Variants in POLA1 observed in about 807,000 individuals in gnomAD.
POLA1 encodes the protein DNA polymerase alpha 1, catalytic subunit.
In POLA1, 15 loss-of-function variants were observed where a neutral mutation model predicts 124.0. That is an observed-to-expected ratio of 0.12 (90% confidence interval 0.08 to 0.19). The LOEUF (loss-of-function observed/expected upper bound fraction) is 0.19. Ranked by LOEUF, POLA1 falls within the 10% of genes least tolerant of loss-of-function variation. The pLI is 1.00. For missense variants in POLA1, 886 were observed against 1,103.4 expected (o/e 0.80, Z 2.79); for synonymous variants, 408 against 389.4 (o/e 1.05, Z -0.56).
chrX:24,807,297 C>T (rs911596660), intron 26 of POLA1, among the ~76,000 whole-genome samples: 2 of 112,117 alleles, frequency 1.8e-5, no homozygotes, highest in South Asian at 3.7e-4. Context: ...GTAACAGTTA[C>T]GTTATGGTGT....
intron 24 of POLA1, among the ~76,000 whole-genome samples, chrX:24,747,938 G>A (rs899418350): frequency 9.0e-6 from 1 of 111,339 alleles, no homozygotes; most frequent in Non-Finnish European, 1.9e-5. Flanking sequence ...GTTTCACCAT[G>A]TTAGCCAGGA....
intron 32 of POLA1, among the ~76,000 whole-genome samples, chrX:24,835,123 C>G (rs1344726898): frequency 9.2e-6 from 1 of 108,721 alleles, no homozygotes; most frequent in Non-Finnish European, 1.9e-5. Flanking sequence ...TCTCGGATCA[C>G]GACAACCTCT....
At chrX:24,945,696 T>C (rs2047953599) in intron 36 of POLA1, among the ~76,000 whole-genome samples, 1 of 111,019 alleles carries the variant, frequency 9.0e-6, no homozygotes. Flanking sequence ...ACACCCACAG[T>C]GTTGGGAATC....
At chrX:24,710,617 A>G (rs903478031) in intron 4 of POLA1, among the ~76,000 whole-genome samples, 1 of 109,605 alleles carries the variant, frequency 9.1e-6, no homozygotes, top group Non-Finnish European at 1.9e-5. Context: ...GCCTGCTTTC[A>G]ATTTTTTAGG....
At chrX:24,848,902 T>G (rs1479576452) in intron 34 of POLA1, among the ~76,000 whole-genome samples, 1 of 112,601 alleles carries the variant, frequency 8.9e-6, no homozygotes, top group Non-Finnish European at 1.9e-5. Context: ...GGTGGACCTG[T>G]GAGTTTTAGA....
chrX:24,788,261 C>T, intron 26 of POLA1: 1 of 686,996 alleles, frequency 1.5e-6, no homozygotes, highest in African/African-American at 2.2e-5. Context: ...TAACATCATA[C>T]ACAACAGTGA....
rs766385235 is a variant in POLA1 at position 24,722,326 on chromosome X, A to G, written c.1088-829A>G. Reference sequence around the variant, plus strand: ...TGTTCTTCGTGGCCAATTTTCATAAACAATGATTTGATGTCTAAAAAGGTG... The same window carrying G: ...TGTTCTTCGTGGCCAATTTTCATAAGCAATGATTTGATGTCTAAAAAGGTG... On this transcript the variant is annotated intron_variant, in intron 10 of 36. Transcript: ENST00000379068. 1.9e-4 allele frequency among the ~76,000 whole-genome samples: 21 copies of G among 112,150 alleles called. No homozygotes were observed. The Admixed American group carries it at 2.0e-3, about 11-fold the overall frequency.
chrX:24,913,566 T>C (rs955317806), intron 35 of POLA1, among the ~76,000 whole-genome samples: 3 of 108,778 alleles, frequency 2.8e-5, no homozygotes, highest in African/African-American at 1.0e-4. Context: ...CATAAAAAAT[T>C]AGCTGGGCAT....
intron 26 of POLA1, among the ~76,000 whole-genome samples, chrX:24,759,408 G>A (rs1055917776): frequency 9.0e-6 from 1 of 111,725 alleles, no homozygotes; most frequent in Admixed American, 9.5e-5. Flanking sequence ...GTTCTACCTA[G>A]CCCCTAAGCC....
intron 35 of POLA1, among the ~76,000 whole-genome samples, chrX:24,919,842 TC>T (rs2047590133): frequency 2.6e-5 from 2 of 78,223 alleles, no homozygotes; most frequent in South Asian, 1.4e-3. Context: ...GTTTTGTTTT[TC>T]TGTTTTTTTT....
chrX:24,861,329 G>A (rs947214062), intron 34 of POLA1, among the ~76,000 whole-genome samples: 2 of 111,725 alleles, frequency 1.8e-5, no homozygotes, highest in Non-Finnish European at 3.8e-5. Context: ...ATGGGCTTTC[G>A]CCATGTTTCC....
At chrX:24,844,812 G>A (rs2147068012) in intron 34 of POLA1, among the ~76,000 whole-genome samples, 1 of 111,946 alleles carries the variant, frequency 8.9e-6, no homozygotes, top group South Asian at 3.7e-4. Context: ...GGGAATAAAA[G>A]TTGGCTGTGG....
At chrX:24,994,491 G>T (rs925774089) in intron 36 of POLA1, among the ~76,000 whole-genome samples, 19 of 112,352 alleles carry the variant, frequency 1.7e-4, no homozygotes, top group Non-Finnish European at 3.0e-4. Flanking sequence ...GGGCAGCCTT[G>T]CTGCTCCCAG....
At chrX:24,865,096 C>G (rs1601817530) in intron 34 of POLA1, among the ~76,000 whole-genome samples, 2 of 111,795 alleles carry the variant, frequency 1.8e-5, no homozygotes, top group East Asian at 5.6e-4. Flanking sequence ...GTTTGGGCCT[C>G]TCTGATTTAA....
chrX:24,753,604 C>T (rs1293160323), intron 26 of POLA1, among the ~76,000 whole-genome samples: 2 of 111,687 alleles, frequency 1.8e-5, no homozygotes, highest in African/African-American at 6.5e-5. Context: ...ATCCTCTCAC[C>T]TTGGCCTCCC....
intron 1 of POLA1, among the ~76,000 whole-genome samples, chrX:24,695,809 C>T (rs1172690780): frequency 4.5e-5 from 5 of 112,116 alleles, no homozygotes; most frequent in African/African-American, 6.5e-5. Flanking sequence ...AAAGCAGGTA[C>T]AGTGGTTCAT....
At position 24,825,394 on chromosome X, in the gene POLA1, A is replaced by T. The variant is rs11573422; in HGVS notation, c.3562-1033A>T. ...TCTGGTAAAGACAGTGGTGTGTGGAAGGTTGCCTCTGCTTTGGGCTGGGTG... is the reference window on the plus strand; with the variant it reads ...TCTGGTAAAGACAGTGGTGTGTGGATGGTTGCCTCTGCTTTGGGCTGGGTG... On this transcript the variant is annotated intron_variant, in intron 31 of 36. Transcript: ENST00000379068. Among the ~76,000 whole-genome samples the T allele has an allele frequency of 2.0e-4, 23 of 112,283 alleles. No individual in the cohort carries two copies. The South Asian group carries it at 8.5e-3, about 42-fold the overall frequency.
chrX:24,715,452 G>A (rs772362062), intron 6 of POLA1, among the ~76,000 whole-genome samples: 3 of 110,439 alleles, frequency 2.7e-5, no homozygotes, highest in South Asian at 7.9e-4. Flanking sequence ...CTGCCACCAC[G>A]CCCGGCTAAT....
intron 36 of POLA1, among the ~76,000 whole-genome samples, chrX:24,956,062 C>T (rs1384844672): frequency 2.9e-5 from 3 of 101,839 alleles, no homozygotes; most frequent in African/African-American, 7.0e-5. Flanking sequence ...CTTCAGCTGA[C>T]GCAGAAGAGT....
Sources: gnomAD v4.1 joint callset for allele counts (sites outside exome capture counted in the v4.1 genomes callset) on GRCh38, gnomAD v4.1.1 for gene constraint, MANE v1.5 for transcripts, NCBI Gene and HGNC (gene_info 2026-07-23, HGNC 2026-07-21) for gene names.